DOCK3: variants seen among roughly 807,000 people sequenced by gnomAD.
The protein encoded by DOCK3 is dedicator of cytokinesis protein 3.
DOCK3 carries 60 observed loss-of-function variants against 265.6 expected under a neutral mutation model. That is an observed-to-expected ratio of 0.23 (90% confidence interval 0.18 to 0.28). DOCK3 has a LOEUF of 0.28. DOCK3 is among the 10% of genes least tolerant of loss of function. DOCK3 has a pLI of 1.00. For synonymous variants in DOCK3, 881 were observed against 938.0 expected, an observed-to-expected ratio of 0.94 and a Z score of 1.11; for missense variants, 1,981 against 2,594.3, an observed-to-expected ratio of 0.76 and a Z score of 5.14.
intron 5 of DOCK3, among the ~76,000 whole-genome samples, chr3:51,007,004 T>G (rs1454546131): frequency 1.3e-5 from 2 of 152,252 alleles, no homozygotes; most frequent in African/African-American, 4.8e-5. Flanking sequence ...GTGCCACATT[T>G]TCTTAATCCA....
chr3:51,291,547 T>C (rs1216762188), intron 27 of DOCK3, among the ~76,000 whole-genome samples: 2 of 152,178 alleles, frequency 1.3e-5, no homozygotes, highest in Middle Eastern at 3.2e-3. Flanking sequence ...GACTTAATCA[T>C]GAAGAGATTG....
intron 51 of DOCK3, among the ~76,000 whole-genome samples, chr3:51,378,591 G>C (rs552776968): frequency 1.6e-3 from 241 of 152,328 alleles, no homozygotes; most frequent in Non-Finnish European, 2.7e-3. Context: ...ATAGCCCAAA[G>C]GGGAGAGTTG....
At chr3:51,150,613 G>C (rs925578770) in intron 10 of DOCK3, among the ~76,000 whole-genome samples, 4 of 151,934 alleles carry the variant, frequency 2.6e-5, no homozygotes, top group Admixed American at 2.6e-4. Context: ...TCATTCAGGA[G>C]CAGATTGTTC....
At chr3:50,795,086 T>C (rs1034289570) in intron 2 of DOCK3, among the ~76,000 whole-genome samples, 2 of 152,176 alleles carry the variant, frequency 1.3e-5, no homozygotes, top group Non-Finnish European at 2.9e-5. Context: ...CTTGGGTTTC[T>C]CCTGAGAGGT....
intron 2 of DOCK3, among the ~76,000 whole-genome samples, chr3:50,834,155 G>A (rs2125364): frequency 0.094 from 14,301 of 151,752 alleles, 834 homozygotes; most frequent in Non-Finnish European, 0.12. Flanking sequence ...TGATGTCACA[G>A]TCTCCAAACT....
chr3:51,272,541 C>T (rs141726481), intron 24 of DOCK3, among the ~76,000 whole-genome samples: 3 of 151,428 alleles, frequency 2.0e-5, no homozygotes, highest in Admixed American at 6.6e-5. Context: ...CCCGCCTCAG[C>T]CTCCCAAAGT....
chr3:51,261,429 A>T (rs1576579068), intron 23 of DOCK3, among the ~76,000 whole-genome samples: 1 of 152,152 alleles, frequency 6.6e-6, no homozygotes, highest in East Asian at 1.9e-4. Context: ...AGACCAGGAG[A>T]TTCCCTCAGG....
At chr3:50,876,338 GA>G (rs1408818794) in intron 3 of DOCK3, among the ~76,000 whole-genome samples, 2 of 151,698 alleles carry the variant, frequency 1.3e-5, no homozygotes, top group African/African-American at 4.8e-5. Flanking sequence ...CCTAATAAAG[GA>G]AAAATACAAA....
At chr3:50,959,036 A>G (rs1375532135) in intron 5 of DOCK3, among the ~76,000 whole-genome samples, 1 of 152,164 alleles carries the variant, frequency 6.6e-6, no homozygotes, top group African/African-American at 2.4e-5. Flanking sequence ...CATCACCCCA[A>G]AAAGATCTGT....
chr3:51,078,484 A>T (rs930513537), intron 7 of DOCK3, among the ~76,000 whole-genome samples: 1 of 152,166 alleles, frequency 6.6e-6, no homozygotes, highest in Non-Finnish European at 1.5e-5. Flanking sequence ...AAAGGGCCCA[A>T]TGTAATTATG....
chr3:50,949,733 C>T (rs2076539556), intron 5 of DOCK3, among the ~76,000 whole-genome samples: 1 of 151,812 alleles, frequency 6.6e-6, no homozygotes, highest in African/African-American at 2.4e-5. Context: ...TCCATCTTAC[C>T]CAAGTTTTTA....
chr3:51,350,444 C>T (rs979970623), intron 40 of DOCK3, 52 bp downstream of exon 40: 6 of 1,565,428 alleles, frequency 3.8e-6, no homozygotes, highest in Non-Finnish European at 4.4e-6. Context: ...GCATAATTCA[C>T]TTAAAACCGA....
intron 2 of DOCK3, among the ~76,000 whole-genome samples, chr3:50,832,050 A>C (rs1275026300): frequency 2.4e-4 from 36 of 152,286 alleles, no homozygotes; most frequent in Admixed American, 2.4e-3. Context: ...GTCTGTTCAT[A>C]TCCTTTGCCC....
chr3:51,299,683 C>T (rs1433738436), intron 27 of DOCK3, among the ~76,000 whole-genome samples: 2 of 151,722 alleles, frequency 1.3e-5, no homozygotes, highest in African/African-American at 4.8e-5. Context: ...AATCCTTTCC[C>T]TGTTGCTTTT....
At chr3:50,918,094 CT>C (rs1363872034) in intron 4 of DOCK3, among the ~76,000 whole-genome samples, 1 of 152,002 alleles carries the variant, frequency 6.6e-6, no homozygotes, top group Non-Finnish European at 1.5e-5. Context: ...TGAACTCATC[CT>C]TTTTTATGGC....
chr3:50,922,238 C>G (rs2050516675), intron 4 of DOCK3, among the ~76,000 whole-genome samples: 1 of 152,252 alleles, frequency 6.6e-6, no homozygotes. Context: ...TGTTCATCTA[C>G]TCAAGCCTCA....
At chr3:51,319,719 G>T (rs1264560396) in intron 32 of DOCK3, among the ~76,000 whole-genome samples, 3 of 151,980 alleles carry the variant, frequency 2.0e-5, no homozygotes, top group Admixed American at 6.6e-5. Flanking sequence ...ACAAAAATTA[G>T]CTGGGCGTGG....
chr3:50,896,196 C>T (rs955741631), intron 4 of DOCK3, among the ~76,000 whole-genome samples: 2 of 151,912 alleles, frequency 1.3e-5, no homozygotes, highest in African/African-American at 4.8e-5. Flanking sequence ...GCCATTCTAA[C>T]TGGCGTGAGA....
intron 5 of DOCK3, among the ~76,000 whole-genome samples, chr3:50,951,554 G>T (rs1001766573): frequency 2.0e-5 from 3 of 152,116 alleles, no homozygotes; most frequent in African/African-American, 7.2e-5. Context: ...ATTTGGTCCT[G>T]ATTCATCTAC....
Sources: allele counts gnomAD v4.1 joint callset (sites outside exome capture counted in the v4.1 genomes callset), GRCh38; gene constraint gnomAD v4.1.1; transcripts MANE v1.5; gene names NCBI Gene and HGNC (gene_info 2026-07-23, HGNC 2026-07-21).